THADA: variants seen among roughly 807,000 people sequenced by gnomAD.
THADA encodes the protein THADA armadillo repeat containing.
THADA carries 213 observed loss-of-function variants against 219.8 expected under a neutral mutation model. That is an observed-to-expected ratio of 0.97 (90% CI 0.87 to 1.09). The LOEUF is 1.09. THADA is among the 50% of genes least tolerant of loss of function. The probability of loss-of-function intolerance (pLI) is 0.00; values close to 1 mark genes in which losing one functional copy is unlikely to be tolerated. For missense variants in THADA, 2,956 were observed against 2,311.3 expected, an observed-to-expected ratio of 1.28 and a Z score of -5.72; for synonymous variants, 1,018 against 828.9, an observed-to-expected ratio of 1.23 and a Z score of -3.92.
chr2:43,480,832 A>T (rs976829350), intron 26 of THADA, among the ~76,000 whole-genome samples: 3 of 151,938 alleles, frequency 2.0e-5, no homozygotes, highest in Non-Finnish European at 4.4e-5. Flanking sequence ...GGGAAAAAAA[A>T]AAAAAAGAAA....
intron 21 of THADA, among the ~76,000 whole-genome samples, chr2:43,533,715 G>A (rs1694193050): frequency 6.6e-6 from 1 of 152,122 alleles, no homozygotes; most frequent in African/African-American, 2.4e-5. Flanking sequence ...ACAGGGAGGG[G>A]AACATCACAC....
At chr2:43,541,094 TAA>T in intron 21 of THADA, 63 bp downstream of exon 21, 7 of 1,192,950 alleles carry the variant, frequency 5.9e-6, no homozygotes, top group Non-Finnish European at 6.7e-6. Flanking sequence ...AGTTGGGTTA[TAA>T]AAAAAAAAGT....
chr2:43,254,876 C>A (rs759446449), intron 36 of THADA, among the ~76,000 whole-genome samples: 4 of 152,192 alleles, frequency 2.6e-5, no homozygotes, highest in Non-Finnish European at 4.4e-5. Flanking sequence ...TCGGTCCCCC[C>A]ACTGGTCTAC....
intron 28 of THADA, among the ~76,000 whole-genome samples, chr2:43,406,018 C>A (rs979271395): frequency 6.6e-6 from 1 of 152,164 alleles, no homozygotes; most frequent in African/African-American, 2.4e-5. Context: ...TCCCAGTGAC[C>A]CAGGCTGACA....
At chr2:43,534,624 T>A (rs1323476357) in intron 21 of THADA, among the ~76,000 whole-genome samples, 1 of 152,210 alleles carries the variant, frequency 6.6e-6, no homozygotes, top group Admixed American at 6.5e-5. Context: ...GTTCCATCCA[T>A]GTAGCTGCGA....
intron 12 of THADA, 138 bp downstream of exon 12, chr2:43,572,676 G>T: frequency 1.6e-6 from 1 of 644,440 alleles, no homozygotes; most frequent in Non-Finnish European, 2.4e-6. Context: ...AAGTTTAGTT[G>T]GGAGACTAGG....
rs548756836 is a variant in THADA, at chr2:43,247,979, G to A, written c.5297-15097C>T. Among the ~76,000 whole-genome samples the A allele has an allele frequency of 2.6e-5, 4 of 151,312 alleles. No homozygotes were observed. In the East Asian group the frequency reaches 7.8e-4, roughly 29 times the overall value. Reference sequence around the variant, plus strand: ...GATTACTGGAGCCTCAGAGTTCAAGGCTGCAGTAAGCTGTGATCACACTGC... The same window carrying A: ...GATTACTGGAGCCTCAGAGTTCAAGACTGCAGTAAGCTGTGATCACACTGC... On this transcript the variant is annotated intron_variant, in intron 36 of 37. Transcript: ENST00000405975.
rs545536253 is a variant in THADA, at chr2:43,241,100, T to G, written c.5297-8218A>C. ...GGACCCCTCTTCCTTTTTTTTATGT[T>G]TATTTTTTTGAGACAGGGTCTCACT... is the stretch of plus-strand genomic sequence containing the variant. On this transcript the variant is annotated intron_variant, in intron 36 of 37. Coordinates refer to ENST00000405975, the MANE Select transcript of THADA (RefSeq NM_022065.5). Among the ~76,000 whole-genome samples the G allele has an allele frequency of 5.3e-5, 8 of 152,184 alleles. No individual in the cohort carries two copies. In the East Asian group the frequency reaches 1.6e-3, roughly 30 times the overall value.
intron 22 of THADA, among the ~76,000 whole-genome samples, chr2:43,514,459 TATATATA>T (rs1013906659): frequency 1.2e-4 from 16 of 131,842 alleles, no homozygotes; most frequent in East Asian, 4.0e-4. Flanking sequence ...TTAAAAAATA[TATATATA>T]ATATATAATA....
At position 43,488,557 on chromosome 2, in the gene THADA, C is replaced by A. The variant is rs144175861; in HGVS notation, c.3745-3232G>T. Among the ~76,000 whole-genome samples the A allele has an allele frequency of 4.5e-4, 69 of 152,190 alleles. 1 individual carries two copies. The East Asian group carries it at 0.012, about 27-fold the overall frequency. On this transcript the variant is annotated intron_variant, in intron 25 of 37. Coordinates refer to ENST00000405975, the MANE Select transcript of THADA (RefSeq NM_022065.5). ...AATAATATCCCATTGTACAGATATA[C>A]CGTATTTTTAAAATCTGTTCTTCAT...
At chr2:43,585,810 A>T (rs1311576199) in intron 7 of THADA, among the ~76,000 whole-genome samples, 1 of 152,112 alleles carries the variant, frequency 6.6e-6, no homozygotes, top group African/African-American at 2.4e-5. Context: ...GAACACACTC[A>T]GGTGAGGAAA....
In THADA at chr2:43,230,932, A is replaced by G. The variant is rs15397; in HGVS notation, c.*16T>C. On this transcript the variant is annotated 3_prime_UTR_variant, in exon 38 of 38. Coordinates refer to ENST00000405975, the MANE Select transcript of THADA (RefSeq NM_022065.5). ...AAAATCCACACATACCCCCATCCCA[A>G]TCCCCCAGATTTTCTTCAACATGCC... 0.018 allele frequency: 28,987 copies of G among 1,593,416 alleles called. 342 individuals carry two copies. Among genetic ancestry groups the G allele is most frequent in the Non-Finnish European group, 0.022 (26,222 of 1,166,062 alleles).
At chr2:43,521,157 A>G (rs1192706865) in intron 22 of THADA, among the ~76,000 whole-genome samples, 3 of 137,728 alleles carry the variant, frequency 2.2e-5, no homozygotes, top group African/African-American at 8.0e-5. Flanking sequence ...GAGGGAAGGA[A>G]GGGAAGGAAA....
At chr2:43,448,333 T>C (rs1573699914) in intron 26 of THADA, among the ~76,000 whole-genome samples, 1 of 152,186 alleles carries the variant, frequency 6.6e-6, no homozygotes, top group South Asian at 2.1e-4. Flanking sequence ...CGGGCAACTA[T>C]GCACATGCTC....
intron 29 of THADA, among the ~76,000 whole-genome samples, chr2:43,360,755 T>C (rs1045854053): frequency 3.9e-5 from 6 of 152,218 alleles, no homozygotes; most frequent in East Asian, 1.9e-4. Flanking sequence ...TGGAAGGCTA[T>C]GAGGATCGTT....
intron 29 of THADA, among the ~76,000 whole-genome samples, chr2:43,344,861 C>G (rs1209915359): frequency 6.6e-6 from 1 of 151,840 alleles, no homozygotes; most frequent in Non-Finnish European, 1.5e-5. Context: ...CGTGTATATG[C>G]ATGTATGCAC....
In THADA at chr2:43,497,745, T is replaced by C. The variant is rs371121581; in HGVS notation, c.3744+1088A>G. On this transcript the variant is annotated intron_variant, in intron 25 of 37. Coordinates refer to ENST00000405975, the MANE Select transcript of THADA (RefSeq NM_022065.5). ...ACCAAAAATACAAAAATTAGCTGGG[T>C]GTGGTGGCATCCACTTGTAGTCCCA... is the stretch of plus-strand genomic sequence containing the variant. Among the ~76,000 whole-genome samples the C allele has an allele frequency of 2.7e-3, 409 of 152,052 alleles. 3 individuals are homozygous for C. Among genetic ancestry groups the C allele is most frequent in the Middle Eastern group, 0.014 (4 of 294 alleles).
chr2:43,349,551 C>A (rs535218091), intron 29 of THADA, among the ~76,000 whole-genome samples: 1 of 152,134 alleles, frequency 6.6e-6, no homozygotes, highest in Non-Finnish European at 1.5e-5. Context: ...GGGAATGCAA[C>A]GCTGAGATGG....
At chr2:43,367,146 A>G (rs1371337264) in intron 29 of THADA, among the ~76,000 whole-genome samples, 2 of 152,210 alleles carry the variant, frequency 1.3e-5, no homozygotes, top group African/African-American at 4.8e-5. Flanking sequence ...CACAGACACA[A>G]GAAAATAGAA....
Sources: gnomAD v4.1 joint callset for allele counts (sites outside exome capture counted in the v4.1 genomes callset) on GRCh38, gnomAD v4.1.1 for gene constraint, MANE v1.5 for transcripts, NCBI Gene and HGNC (gene_info 2026-07-23, HGNC 2026-07-21) for gene names.